The following PSMG2 variants were observed in gnomAD, a reference collection of about 807,000 sequenced individuals.
PSMG2 encodes the protein proteasome assembly chaperone 2, also known as CD40 ligand-activated specific transcript 3.
Under a neutral mutation model 31.5 loss-of-function variants are expected in PSMG2, and 21 were observed. The ratio of observed to expected loss-of-function variants is 0.67; its 90% CI spans 0.47 to 0.96. PSMG2 has a LOEUF of 0.96. Ranked by LOEUF, PSMG2 falls within the 40% of genes least tolerant of loss-of-function variation. PSMG2 has a pLI of 0.00. For synonymous variants in PSMG2, 120 were observed against 110.4 expected, an observed-to-expected ratio of 1.09 and a Z score of -0.54; for missense variants, 318 against 321.2, an observed-to-expected ratio of 0.99 and a Z score of 0.08.
chr18:12,677,993 T>C, intron 1 of PSMG2: 1 of 711,722 alleles, frequency 1.4e-6, no homozygotes, highest in Non-Finnish European at 2.4e-6. Flanking sequence ...TAGTAGGGAC[T>C]GTAGTTGTTT....
chr18:12,674,369 G>A (rs2039045208), intron 1 of PSMG2, among the ~76,000 whole-genome samples: 1 of 151,586 alleles, frequency 6.6e-6, no homozygotes, highest in African/African-American at 2.4e-5. Context: ...TTGGGCCCAG[G>A]AGGTCAAGGC....
At chr18:12,686,245 T>C in intron 1 of PSMG2, 1 of 1,590,068 alleles carries the variant, frequency 6.3e-7, no homozygotes, top group Non-Finnish European at 8.6e-7. Context: ...CTTAATTCTA[T>C]TATGTGTGTA....
At chr18:12,685,287 A>AC (rs2039502711) in intron 1 of PSMG2, 1 of 152,222 alleles carries the variant, frequency 6.6e-6, no homozygotes, top group Non-Finnish European at 1.5e-5. Context: ...GGCATGAGCC[A>AC]CCACGCCCAG....
chr18:12,672,003 A>G (rs1489553176), intron 1 of PSMG2, among the ~76,000 whole-genome samples: 1 of 150,866 alleles, frequency 6.6e-6, no homozygotes, highest in East Asian at 2.0e-4. Context: ...TATCTTTAGT[A>G]GAGACAGGGT....
chr18:12,666,388 A>T (rs1158593642), intron 1 of PSMG2, among the ~76,000 whole-genome samples: 5 of 149,444 alleles, frequency 3.3e-5, no homozygotes, highest in Non-Finnish European at 7.4e-5. Context: ...TTCAACTGTG[A>T]TATTGTCTTA....
intron 1 of PSMG2, among the ~76,000 whole-genome samples, chr18:12,694,775 G>A (rs973130386): frequency 2.1e-4 from 32 of 150,656 alleles, no homozygotes; most frequent in African/African-American, 5.6e-4. Flanking sequence ...GCACTGGTGC[G>A]ATCTGGGCTC....
At chr18:12,724,722 A>G in intron 6 of PSMG2, 103 bp downstream of exon 6, 1 of 1,167,940 alleles carries the variant, frequency 8.6e-7, no homozygotes, top group Non-Finnish European at 1.1e-6. Context: ...CGTTTGTATT[A>G]AATATAGACA....
At chr18:12,697,437 C>A (rs750135488) in intron 1 of PSMG2, 2 of 1,469,760 alleles carry the variant, frequency 1.4e-6, no homozygotes, top group South Asian at 1.2e-5. Context: ...CGAAATTATA[C>A]CACACTACAT....
chr18:12,710,719 G>A (rs1020794854), intron 2 of PSMG2, among the ~76,000 whole-genome samples: 1 of 152,096 alleles, frequency 6.6e-6, no homozygotes, highest in Non-Finnish European at 1.5e-5. Context: ...TAATGTTTTG[G>A]GGCAGAATAC....
intron 2 of PSMG2, among the ~76,000 whole-genome samples, chr18:12,709,776 A>G (rs1386724941): frequency 3.9e-5 from 6 of 151,998 alleles, no homozygotes; most frequent in Admixed American, 3.9e-4. Flanking sequence ...CTGGGATTAC[A>G]GGCGTGAGCC....
At chr18:12,681,155 G>A (rs112186094) in intron 1 of PSMG2, among the ~76,000 whole-genome samples, 3 of 146,118 alleles carry the variant, frequency 2.1e-5, no homozygotes, top group African/African-American at 7.6e-5. Context: ...CTACAATCGC[G>A]CCACTGCATT....
chr18:12,724,617 C>A lies in PSMG2; in HGVS notation c.700C>A (p.Leu234Ile). Reference sequence around the variant, plus strand: ...TGAGTGGCTTCAGATACTCAAACCACTTGTAAGTTCTATTATAGCTTAAGC... The same window carrying A: ...TGAGTGGCTTCAGATACTCAAACCAATTGTAAGTTCTATTATAGCTTAAGC... ...LNEWLQILKP[L>I]SDDPTVSASR... is the part of the protein sequence containing the mutation. The change falls in exon 6 of 7, where the codon CTT (leucine) becomes ATT (isoleucine). Residue 234 changes from leucine to isoleucine, a missense_variant and splice_region_variant. Coordinates refer to ENST00000317615, the MANE Select transcript of PSMG2 (RefSeq NM_020232.5). The A allele has an allele frequency of 1.3e-6, 2 of 1,596,532 alleles. No individual in the cohort carries two copies. Among genetic ancestry groups the A allele is most frequent in the Non-Finnish European group, 1.7e-6 (2 of 1,173,548 alleles).
chr18:12,700,294 A>G (rs1568034850), upstream of PSMG2: 2 of 155,626 alleles, frequency 1.3e-5, no homozygotes, highest in Non-Finnish European at 2.8e-5. Context: ...GTCAATTTTT[A>G]TAACAAACGG....
At chr18:12,687,750 G>C (rs1213774477) in intron 1 of PSMG2, among the ~76,000 whole-genome samples, 1 of 151,744 alleles carries the variant, frequency 6.6e-6, no homozygotes, top group South Asian at 2.1e-4. Flanking sequence ...ACTGTGCCTG[G>C]CCTAGAGGGC....
At position 12,685,472 on chromosome 18, in the gene PSMG2, A is replaced by C. The variant is rs568613497; in HGVS notation, c.-36-21078A>C. On this transcript the variant is annotated intron_variant, in intron 1 of 6. Coordinates refer to the PSMG2 transcript ENST00000585331. ...CAGAAATCACAATAAATAAGAAACT[A>C]CATGAGAAAATAAAGATGCTGAGTT... The C allele has an allele frequency of 9.2e-5, 14 of 152,250 alleles. No individual in the cohort carries two copies. In the South Asian group the frequency reaches 2.7e-3, roughly 29 times the overall value. The allele number at this position is 152,250 out of a possible 1,614,324, so 9.4% of individuals were successfully genotyped here. A position where few individuals can be genotyped will look rare whatever the true frequency, so the allele number is the denominator to read the frequency against.
chr18:12,701,686 G>GA (rs1439881734), upstream of PSMG2, among the ~76,000 whole-genome samples: 1 of 152,154 alleles, frequency 6.6e-6, no homozygotes, highest in Non-Finnish European at 1.5e-5. Context: ...GAGCGCTGCA[G>GA]AAACTGGAGG....
intron 1 of PSMG2, among the ~76,000 whole-genome samples, chr18:12,681,450 G>A (rs2145020190): frequency 6.6e-6 from 1 of 151,800 alleles, no homozygotes. Context: ...GGGTCTTACT[G>A]TGTTACCCAG....
At chr18:12,689,188 T>C (rs2039656601) in intron 1 of PSMG2, among the ~76,000 whole-genome samples, 1 of 152,376 alleles carries the variant, frequency 6.6e-6, no homozygotes, top group South Asian at 2.1e-4. Context: ...TGGATATGTA[T>C]ATTAACGTTT....
intron 1 of PSMG2, 83 bp downstream of exon 1, chr18:12,703,247 C>T: frequency 1.4e-6 from 2 of 1,423,174 alleles, no homozygotes; most frequent in South Asian, 1.3e-5. Flanking sequence ...TTTGGCGGTG[C>T]CTTGGGAGAA....
Sources: allele counts gnomAD v4.1 joint callset (sites outside exome capture counted in the v4.1 genomes callset), GRCh38; gene constraint gnomAD v4.1.1; transcripts MANE v1.5; gene names NCBI Gene and HGNC (gene_info 2026-07-23, HGNC 2026-07-21).